The following VTI1A variants were observed in gnomAD, a reference collection of about 807,000 sequenced individuals.
The protein encoded by VTI1A is vesicle transport through interaction with t-SNAREs homolog 1A.
VTI1A carries 22 observed loss-of-function variants against 34.9 expected under a neutral mutation model. The observed-to-expected ratio is 0.63, with a 90% CI of 0.45 to 0.90. VTI1A has a LOEUF of 0.90. Among genes scored for constraint, VTI1A ranks in the 40% least tolerant of loss-of-function variants. The pLI, the probability that VTI1A is intolerant of heterozygous loss-of-function variation, is 0.00. For missense variants in VTI1A, 268 were observed against 275.6 expected, an observed-to-expected ratio of 0.97 and a Z score of 0.20; for synonymous variants, 87 against 97.3, an observed-to-expected ratio of 0.89 and a Z score of 0.62.
At chr10:112,795,819 T>C (rs1324499036) in intron 7 of VTI1A, among the ~76,000 whole-genome samples, 1 of 152,162 alleles carries the variant, frequency 6.6e-6, no homozygotes, top group South Asian at 2.1e-4. Context: ...AGTTTAGCAT[T>C]ATTTTAAATA....
chr10:112,564,818 A>C (rs999263273), intron 5 of VTI1A, among the ~76,000 whole-genome samples: 1 of 152,008 alleles, frequency 6.6e-6, no homozygotes, highest in Non-Finnish European at 1.5e-5. Flanking sequence ...TGCAGATCTT[A>C]AAAAAAATGG....
At chr10:112,579,346 AATG>A (rs1360579570) in intron 5 of VTI1A, among the ~76,000 whole-genome samples, 3 of 152,214 alleles carry the variant, frequency 2.0e-5, no homozygotes, top group African/African-American at 7.2e-5. Flanking sequence ...AAAAATTTTA[AATG>A]ATAAGAAAAT....
chr10:112,480,631 A>G (rs1848430785), intron 3 of VTI1A, among the ~76,000 whole-genome samples: 1 of 152,160 alleles, frequency 6.6e-6, no homozygotes. Flanking sequence ...CTTGGAGGAT[A>G]AGGAGGAATT....
At chr10:112,540,250 T>G (rs1850814944) in intron 5 of VTI1A, among the ~76,000 whole-genome samples, 1 of 152,234 alleles carries the variant, frequency 6.6e-6, no homozygotes. Context: ...TGATAGTTAT[T>G]ATTTTTGGTG....
the VTI1A span, among the ~76,000 whole-genome samples, chr10:112,834,380 C>A: frequency 6.6e-6 from 1 of 152,182 alleles, no homozygotes; most frequent in South Asian, 2.1e-4. Context: ...GAGTTGAGAA[C>A]ATCAAGAGCA....
intron 7 of VTI1A, among the ~76,000 whole-genome samples, chr10:112,738,401 G>T (rs895821435): frequency 5.9e-5 from 9 of 152,170 alleles, no homozygotes; most frequent in Non-Finnish European, 1.3e-4. Context: ...GGATTGTTCT[G>T]TACAGACTTG....
intron 5 of VTI1A, among the ~76,000 whole-genome samples, chr10:112,552,387 TC>T (rs1189305046): frequency 6.6e-6 from 1 of 152,208 alleles, no homozygotes; most frequent in Non-Finnish European, 1.5e-5. Flanking sequence ...TGTTCAATAC[TC>T]TGTGCAGATC....
intron 5 of VTI1A, among the ~76,000 whole-genome samples, chr10:112,601,126 G>T (rs529246465): frequency 6.6e-6 from 1 of 152,146 alleles, no homozygotes; most frequent in Non-Finnish European, 1.5e-5. Context: ...TTCATTGTGG[G>T]GAGTGGGAGA....
intron 7 of VTI1A, 35 bp from the exon 8 acceptor site, chr10:112,815,255 T>C (rs1590211630): frequency 1.3e-6 from 2 of 1,584,894 alleles, no homozygotes; most frequent in Non-Finnish European, 1.7e-6. Flanking sequence ...CTTCCACTTA[T>C]CTGTGTGTGT....
rs1847843070 is a variant in VTI1A, at chr10:112,464,788, G to A, written c.264+131G>A. 1.5e-5 allele frequency: 11 copies of A among 739,990 alleles called. No homozygotes were observed. The South Asian group carries it at 2.0e-4, about 14-fold the overall frequency. 45.8% of individuals were successfully genotyped at this position (739,990 alleles called of 1,614,324 possible). A position where few individuals can be genotyped will look rare whatever the true frequency, so the allele number is the denominator to read the frequency against. ...ACAAGTAACAGCTTTCATTCTTTAT[G>A]AGTTAGGGATCTAAAAAATGGTTAT... On this transcript the variant is annotated intron_variant, in intron 3 of 7. Coordinates refer to ENST00000393077, the MANE Select transcript of VTI1A (RefSeq NM_145206.4).
At chr10:112,469,585 T>C (rs184853255) in intron 3 of VTI1A, among the ~76,000 whole-genome samples, 6 of 152,348 alleles carry the variant, frequency 3.9e-5, no homozygotes, top group African/African-American at 1.2e-4. Flanking sequence ...AGAACACATT[T>C]TGAGTAGCCC....
intron 7 of VTI1A, among the ~76,000 whole-genome samples, chr10:112,809,798 A>C (rs1421138625): frequency 2.0e-5 from 3 of 152,214 alleles, no homozygotes; most frequent in Non-Finnish European, 4.4e-5. Context: ...GACAAAAGAA[A>C]TTCGGACTGT....
At chr10:112,623,707 TATAGG>T (rs985474407) in intron 5 of VTI1A, among the ~76,000 whole-genome samples, 1 of 152,146 alleles carries the variant, frequency 6.6e-6, no homozygotes, top group Non-Finnish European at 1.5e-5. Context: ...AATCCATTCC[TATAGG>T]ATTCCTCTGA....
intron 5 of VTI1A, among the ~76,000 whole-genome samples, chr10:112,603,291 G>A (rs118108775): frequency 0.018 from 2,777 of 152,294 alleles, 36 homozygotes; most frequent in Non-Finnish European, 0.028. Flanking sequence ...TGAGATAAGA[G>A]CCTGTTCCCT....
chr10:112,834,764 C>T, the VTI1A span, among the ~76,000 whole-genome samples: 37 of 152,326 alleles, frequency 2.4e-4, no homozygotes, highest in African/African-American at 6.3e-4. Flanking sequence ...TGAAGCCGGG[C>T]GTTTGCTGAG....
chr10:112,456,864 G>C (rs1210477829), intron 1 of VTI1A, among the ~76,000 whole-genome samples: 1 of 152,220 alleles, frequency 6.6e-6, no homozygotes, highest in Non-Finnish European at 1.5e-5. Context: ...AGCAGAGACT[G>C]TAAGTTCCTA....
chr10:112,775,133 G>A (rs1472500912), intron 7 of VTI1A, among the ~76,000 whole-genome samples: 2 of 152,100 alleles, frequency 1.3e-5, no homozygotes, highest in Non-Finnish European at 2.9e-5. Flanking sequence ...CTCCACTGCC[G>A]AATTTAAAAA....
At chr10:112,850,870 G>A in the VTI1A span, among the ~76,000 whole-genome samples, 2 of 152,158 alleles carry the variant, frequency 1.3e-5, no homozygotes, top group Non-Finnish European at 2.9e-5. Flanking sequence ...CTGATTTCAT[G>A]CCCTACGAAA....
intron 5 of VTI1A, among the ~76,000 whole-genome samples, chr10:112,638,591 A>G (rs1846451119): frequency 6.6e-6 from 1 of 152,184 alleles, no homozygotes; most frequent in African/African-American, 2.4e-5. Flanking sequence ...AATGTAACCT[A>G]TTACATAAAA....
Sources: allele counts gnomAD v4.1 joint callset (sites outside exome capture counted in the v4.1 genomes callset), GRCh38; gene constraint gnomAD v4.1.1; transcripts MANE v1.5; gene names NCBI Gene and HGNC (gene_info 2026-07-23, HGNC 2026-07-21).